GATB: variants seen among roughly 807,000 people sequenced by gnomAD.
GATB encodes glutamyl-tRNA(Gln) amidotransferase subunit B, mitochondrial.
Under a neutral mutation model 62.3 loss-of-function variants are expected in GATB, and 39 were observed. That is an observed-to-expected ratio of 0.63 (90% CI 0.48 to 0.82). The LOEUF (loss-of-function observed/expected upper bound fraction) is 0.82, where lower values mean the gene tolerates loss of function less well. Ranked by LOEUF, GATB falls within the 40% of genes least tolerant of loss-of-function variation. The probability of loss-of-function intolerance (pLI) is 0.00; values close to 1 mark genes in which losing one functional copy is unlikely to be tolerated. For missense variants in GATB, 670 were observed against 684.0 expected (o/e 0.98, Z 0.23); for synonymous variants, 276 against 258.9 (o/e 1.07, Z -0.63).
chr4:151,688,932 C>T (rs1356315830), intron 9 of GATB, among the ~76,000 whole-genome samples, 169 bp from the exon 10 acceptor site: 1 of 152,192 alleles, frequency 6.6e-6, no homozygotes, highest in East Asian at 1.9e-4. Flanking sequence ...CAGCTAATGA[C>T]AACTATTCTA....
chr4:151,720,817 T>C (rs1358027499), intron 2 of GATB: 1 of 152,234 alleles, frequency 6.6e-6, no homozygotes, highest in South Asian at 2.1e-4. Context: ...ACAGAACTTC[T>C]GTGGTTCAGG....
chr4:151,697,963 A>ATATATATATATATATATGTG (rs1560847732), intron 9 of GATB, among the ~76,000 whole-genome samples: 27 of 116,676 alleles, frequency 2.3e-4, no homozygotes, highest in African/African-American at 6.5e-4. Context: ...GTATATATAT[A>ATATATATATATATATATGTG]TATATATATA....
chr4:151,759,718 A>G (rs988638065), intron 1 of GATB, among the ~76,000 whole-genome samples: 4 of 152,160 alleles, frequency 2.6e-5, no homozygotes, highest in Non-Finnish European at 5.9e-5. Context: ...AGGTCCTTAT[A>G]AATGTGCTTA....
At chr4:151,693,920 C>T (rs1425613127) in intron 9 of GATB, among the ~76,000 whole-genome samples, 1 of 152,230 alleles carries the variant, frequency 6.6e-6, no homozygotes, top group Non-Finnish European at 1.5e-5. Context: ...GGAATAACAA[C>T]TTCCCCCGAA....
At chr4:151,747,497 G>A (rs948456422) in intron 2 of GATB, among the ~76,000 whole-genome samples, 1 of 152,146 alleles carries the variant, frequency 6.6e-6, no homozygotes, top group Non-Finnish European at 1.5e-5. Flanking sequence ...CATACAAACC[G>A]GTTCATTCAA....
chr4:151,686,005 A>ATT (rs1161538469), intron 10 of GATB, among the ~76,000 whole-genome samples: 1 of 152,120 alleles, frequency 6.6e-6, no homozygotes, highest in African/African-American at 2.4e-5. Flanking sequence ...GTGGGCAGAG[A>ATT]TTGTGCCACT....
At chr4:151,687,385 A>AG (rs1738271939) in intron 10 of GATB, among the ~76,000 whole-genome samples, 1 of 152,194 alleles carries the variant, frequency 6.6e-6, no homozygotes, top group African/African-American at 2.4e-5. Flanking sequence ...ACATTGAAAA[A>AG]GTCTGCCCTC....
chr4:151,733,968 T>A (rs1236426666), intron 2 of GATB, among the ~76,000 whole-genome samples: 2 of 152,176 alleles, frequency 1.3e-5, no homozygotes, highest in Non-Finnish European at 2.9e-5. Flanking sequence ...AAAAGCCATC[T>A]ATGACAAACC....
chr4:151,754,989 G>C (rs1252085103), intron 2 of GATB, among the ~76,000 whole-genome samples: 1 of 152,152 alleles, frequency 6.6e-6, no homozygotes, highest in African/African-American at 2.4e-5. Context: ...GAGAGCCTTT[G>C]TAAAGATAAA....
At chr4:151,729,445 C>A (rs993021768) in intron 2 of GATB, among the ~76,000 whole-genome samples, 2 of 152,140 alleles carry the variant, frequency 1.3e-5, no homozygotes, top group Non-Finnish European at 2.9e-5. Flanking sequence ...ACTGTGCAAA[C>A]CTGAATATGA....
intron 2 of GATB, among the ~76,000 whole-genome samples, chr4:151,726,947 T>C (rs78027263): frequency 1.3e-5 from 2 of 152,186 alleles, no homozygotes; most frequent in East Asian, 3.9e-4. Flanking sequence ...GACAAGGTCT[T>C]ACTCTGTCGT....
At chr4:151,706,334 C>G (rs1738714469) in intron 6 of GATB, among the ~76,000 whole-genome samples, 1 of 152,136 alleles carries the variant, frequency 6.6e-6, no homozygotes, top group South Asian at 2.1e-4. Context: ...TAGGGGTCTC[C>G]TTCAGAACTC....
intron 2 of GATB, among the ~76,000 whole-genome samples, chr4:151,725,459 AT>A (rs1454771459): frequency 1.1e-4 from 17 of 152,252 alleles, no homozygotes; most frequent in Admixed American, 1.1e-3. Flanking sequence ...ATAAACAGCT[AT>A]TCAAAAAAAC....
At chr4:151,722,334 T>G (rs1481793880) in intron 2 of GATB, 1 of 639,112 alleles carries the variant, frequency 1.6e-6, no homozygotes, top group Non-Finnish European at 2.8e-6. Flanking sequence ...TGCCAGCATC[T>G]GCAAACCCTT....
intron 10 of GATB, 144 bp downstream of exon 10, chr4:151,688,486 T>A (rs577519072): frequency 2.1e-5 from 15 of 725,838 alleles, no homozygotes; most frequent in African/African-American, 3.5e-5. Flanking sequence ...ATATTTAGAA[T>A]GTGGAGTCCA....
chr4:151,694,196 G>A (rs1351869582), intron 9 of GATB, among the ~76,000 whole-genome samples: 2 of 152,198 alleles, frequency 1.3e-5, no homozygotes, highest in African/African-American at 2.4e-5. Flanking sequence ...AGATCTGCCT[G>A]AAACCTGAAA....
chr4:151,715,864 C>CA (rs1469376463), intron 5 of GATB, 145 bp downstream of exon 5: 6 of 951,528 alleles, frequency 6.3e-6, no homozygotes, highest in East Asian at 2.9e-5. Flanking sequence ...ACAACAACAA[C>CA]AAAAAAACAG....
intron 2 of GATB, among the ~76,000 whole-genome samples, chr4:151,747,071 G>A (rs1009710129): frequency 1.3e-5 from 2 of 152,120 alleles, no homozygotes; most frequent in Non-Finnish European, 2.9e-5. Flanking sequence ...GGGTTGTTAT[G>A]AGGTTAGAAT....
intron 10 of GATB, among the ~76,000 whole-genome samples, chr4:151,686,099 C>T (rs1243800879): frequency 6.6e-6 from 1 of 152,040 alleles, no homozygotes; most frequent in African/African-American, 2.4e-5. Context: ...GCAGATGCCA[C>T]AAGAGTTCAG....
Sources: gnomAD v4.1 joint callset for allele counts (sites outside exome capture counted in the v4.1 genomes callset) on GRCh38, gnomAD v4.1.1 for gene constraint, MANE v1.5 for transcripts, NCBI Gene and HGNC (gene_info 2026-07-23, HGNC 2026-07-21) for gene names.